The following ADH7 variants were observed in gnomAD, a reference collection of about 807,000 sequenced individuals.
ADH7 encodes the protein alcohol dehydrogenase 7 (class IV), mu or sigma polypeptide.
In ADH7, 41 loss-of-function variants were observed where a neutral mutation model predicts 34.4. The ratio of observed to expected loss-of-function variants is 1.19; its 90% CI spans 0.93 to 1.55. ADH7 has a LOEUF of 1.55. ADH7 is among the 40% of genes most tolerant of loss of function. The pLI, the probability that ADH7 is intolerant of heterozygous loss-of-function variation, is 0.00. For synonymous variants in ADH7, 180 were observed against 160.9 expected (o/e 1.12, Z -0.90); for missense variants, 540 against 461.2 (o/e 1.17, Z -1.56).
chr4:99,432,610 A>C (rs971183751), intron 1 of ADH7: 1 of 152,166 alleles, frequency 6.6e-6, no homozygotes, highest in African/African-American at 2.4e-5. Context: ...TGATAAATAC[A>C]ATGCTTACTC....
In ADH7 at chr4:99,412,785, T is replaced by C. The variant is rs1230941563; in HGVS notation, c.*363A>G. On this transcript the variant is annotated 3_prime_UTR_variant, in exon 9 of 9. Transcript: ENST00000437033. ...AGTGAATATTACTCTAGGAGATGCA[T>C]TTACTATATCTTTATACGCTATATC... is the stretch of plus-strand genomic sequence containing the variant. 1 of 181,144 alleles carries C rather than the reference T, an allele frequency of 5.5e-6. No individual in the cohort carries two copies. 11.2% of individuals were successfully genotyped at this position (181,144 alleles called of 1,614,324 possible). A position where few individuals can be genotyped will look rare whatever the true frequency, so the allele number is the denominator to read the frequency against.
intron 8 of ADH7, among the ~76,000 whole-genome samples, chr4:99,415,078 T>C (rs1721485492): frequency 6.6e-6 from 1 of 152,198 alleles, no homozygotes; most frequent in Admixed American, 6.5e-5. Context: ...CATGCTGTTC[T>C]CATGATAGTG....
At position 99,417,337 on chromosome 4, in the gene ADH7, T is replaced by C. The variant is rs142558123; in HGVS notation, c.961+1649A>G. 2.1e-3 allele frequency among the ~76,000 whole-genome samples: 324 copies of C among 152,262 alleles called. 1 individual carries two copies. The highest frequency in any genetic ancestry group is 7.6e-3 in the African/African-American group (314 of 41,562). ...TTCTGTCCTCACTCTGTTGTAGCCA[T>C]ACTGACCTTTTCCCCGTTCTTATGG... On this transcript the variant is annotated intron_variant, in intron 7 of 8. Coordinates refer to ENST00000437033, the MANE Select transcript of ADH7 (RefSeq NM_000673.7).
At chr4:99,424,476 G>C (rs1248902751) in intron 5 of ADH7, among the ~76,000 whole-genome samples, 1 of 152,102 alleles carries the variant, frequency 6.6e-6, no homozygotes, top group Non-Finnish European at 1.5e-5. Context: ...GGGCAGTATG[G>C]CCATTTTCAT....
At position 99,428,541 on chromosome 4, in the gene ADH7, T is replaced by A. The variant is rs1721866397; in HGVS notation, c.210A>T (p.Ala70=). ...SKFPVIVGHE[A]TGIVESIGEG... ...CTCCAATGCTCTCTACAATCCCAGT[T>A]GCCTCATGTCCCACAATCACTGGAA... Residue 70 remains alanine (A), a synonymous_variant, in exon 3 of 9, where the codon GCA becomes GCT. Transcript: ENST00000437033. 1 of 1,613,980 alleles carries A rather than the reference T, an allele frequency of 6.2e-7. No homozygotes were observed. Among genetic ancestry groups the A allele is most frequent in the East Asian group, 2.2e-5 (1 of 44,868 alleles).
chr4:99,421,946 C>T (rs937057555), intron 5 of ADH7, among the ~76,000 whole-genome samples: 3 of 152,078 alleles, frequency 2.0e-5, no homozygotes, highest in Admixed American at 1.3e-4. Context: ...TCAAAACCAC[C>T]GTGTGATACC....
At chr4:99,428,957 G>A (rs547926450) in intron 2 of ADH7, among the ~76,000 whole-genome samples, 3 of 152,160 alleles carry the variant, frequency 2.0e-5, no homozygotes, top group Non-Finnish European at 4.4e-5. Context: ...CCCTTATTGG[G>A]CTCTCTTAAC....
rs1175219599 is a variant in ADH7 at position 99,428,644 on chromosome 4, C to A, written c.121-14G>T. On this transcript the variant is annotated splice_polypyrimidine_tract_variant and intron_variant, in intron 2 of 8. Coordinates refer to ENST00000437033, the MANE Select transcript of ADH7 (RefSeq NM_000673.7). ...TGTGGCCAAAATCTGTGTTCAAAGA[C>A]AAAAACATTGCACCAATCAACAAAC... is the stretch of plus-strand genomic sequence containing the variant. 8.1e-6 allele frequency: 13 copies of A among 1,607,658 alleles called. No homozygotes were observed. Among genetic ancestry groups the A allele is most frequent in the Non-Finnish European group, 1.1e-5 (13 of 1,177,938 alleles).
Position 99,419,117 on chromosome 4 carries a change from T to C in ADH7, c.830A>G (p.Asp277Gly), listed in dbSNP as rs999607124. Residue 277 changes from aspartate to glycine, a missense_variant, in exon 7 of 9, where the codon GAT (aspartate) becomes GGT (glycine). By Grantham distance (94) the Asp-to-Gly change is moderately conservative. Coordinates refer to ENST00000437033, the MANE Select transcript of ADH7 (RefSeq NM_000673.7). The stretch of plus-strand genomic sequence containing the variant: ...GTTCATGTGGCAGGATGCCAGGGCA[T>C]CAATCTGAGTTTAAAACGGAGGAGA... ...EVIGHLETMIDALASCHMNYG... is the reference protein window; with the variant it reads ...EVIGHLETMIGALASCHMNYG... 1.2e-6 allele frequency: 2 copies of C among 1,613,340 alleles called. No homozygotes were observed. Among genetic ancestry groups the C allele is most frequent in the Admixed American group, 1.7e-5 (1 of 59,854 alleles).
intron 1 of ADH7, chr4:99,430,273 G>C (rs139463167): frequency 1.3e-5 from 2 of 152,216 alleles, no homozygotes; most frequent in African/African-American, 4.8e-5. Context: ...GGTAGGGCTT[G>C]ATAGGCAGGT....
chr4:99,428,455 A>G (rs1184742263), intron 3 of ADH7, 37 bp downstream of exon 3: 6 of 1,597,420 alleles, frequency 3.8e-6, no homozygotes, highest in Non-Finnish European at 5.1e-6. Flanking sequence ...ATCAAAGCCT[A>G]ATTATTTCAA....
intron 5 of ADH7, among the ~76,000 whole-genome samples, chr4:99,422,613 C>G (rs1721693003): frequency 6.6e-6 from 1 of 151,822 alleles, no homozygotes; most frequent in Admixed American, 6.6e-5. Context: ...CACATATATC[C>G]CATTTTTTAA....
rs149576874 is a variant in ADH7, at chr4:99,413,163, C to T, written c.1110G>A (p.Thr370=). Residue 370 remains threonine, a synonymous_variant, in exon 9 of 9, where the codon ACG becomes ACA. Coordinates refer to ENST00000437033, the MANE Select transcript of ADH7 (RefSeq NM_000673.7). ...ELLNSGQSIR[T]VLTF ...ACTTTGGATCTCAAAACGTCAGGAC[C>T]GTTCGAATGCTGAAATGTAAAATGA... 4.0e-5 allele frequency: 64 copies of T among 1,613,356 alleles called. No individual in the cohort carries two copies. In the South Asian group the frequency reaches 4.5e-4, roughly 11 times the overall value.
chr4:99,415,579 A>G lies in ADH7; in HGVS notation c.999T>C (p.Thr333=). ...GGTCAAATTTCTTTGCCAGGAACTC[A>G]GTCACTAGTTTTGGGACATCATCTC... ...KSRDDVPKLV[T]EFLAKKFDLD... Residue 333 remains threonine (T), a synonymous_variant, in exon 8 of 9, where the codon ACT becomes ACC. Transcript: ENST00000437033. 1 of 1,613,608 alleles carries G rather than the reference A, an allele frequency of 6.2e-7. No homozygotes were observed. The highest frequency in any genetic ancestry group is 8.5e-7 in the Non-Finnish European group (1 of 1,179,682).
intron 5 of ADH7, among the ~76,000 whole-genome samples, chr4:99,424,331 C>T (rs946057180): frequency 5.9e-5 from 9 of 152,144 alleles, no homozygotes; most frequent in Non-Finnish European, 1.0e-4. Context: ...CAGCTTTGTT[C>T]TTTTGGCTTA....
At chr4:99,417,593 C>T (rs1253042259) in intron 7 of ADH7, among the ~76,000 whole-genome samples, 1 of 152,058 alleles carries the variant, frequency 6.6e-6, no homozygotes, top group African/African-American at 2.4e-5. Context: ...GTATATTCTG[C>T]ATTCATTTAT....
chr4:99,425,854 A>G (rs1385313890), intron 5 of ADH7, among the ~76,000 whole-genome samples: 1 of 151,972 alleles, frequency 6.6e-6, no homozygotes, highest in Non-Finnish European at 1.5e-5. Context: ...ATTATAACAA[A>G]CTGTCTCTCA....
chr4:99,433,038 A>C (rs1193529924), intron 1 of ADH7, among the ~76,000 whole-genome samples: 1 of 152,172 alleles, frequency 6.6e-6, no homozygotes, highest in Non-Finnish European at 1.5e-5. Flanking sequence ...GATAAATGGT[A>C]AAATGGGCCA....
At chr4:99,414,043 A>G (rs1250229040) in intron 8 of ADH7, among the ~76,000 whole-genome samples, 3 of 152,162 alleles carry the variant, frequency 2.0e-5, no homozygotes, top group African/African-American at 7.2e-5. Context: ...TACAAATGTT[A>G]GTTTGGATGT....
Sources: allele counts gnomAD v4.1 joint callset (sites outside exome capture counted in the v4.1 genomes callset), GRCh38; gene constraint gnomAD v4.1.1; transcripts MANE v1.5; gene names NCBI Gene and HGNC (gene_info 2026-07-23, HGNC 2026-07-21).